Variants in SERGEF observed in about 807,000 individuals in gnomAD.
The protein encoded by SERGEF is secretion-regulating guanine nucleotide exchange factor.
Under a neutral mutation model 50.0 loss-of-function variants are expected in SERGEF, and 51 were observed. That is an observed-to-expected ratio of 1.02 (90% CI 0.81 to 1.29). The LOEUF (loss-of-function observed/expected upper bound fraction) is 1.29, where lower values mean the gene tolerates loss of function less well. Ranked by LOEUF, SERGEF falls within the 50% of genes most tolerant of loss-of-function variation. The pLI is 0.00. For synonymous variants in SERGEF, 205 were observed against 212.4 expected (o/e 0.97, Z 0.30); for missense variants, 521 against 557.0 (o/e 0.94, Z 0.65).
chr11:17,927,238 C>T (rs1366068705), intron 9 of SERGEF, among the ~76,000 whole-genome samples: 1 of 152,202 alleles, frequency 6.6e-6, no homozygotes, highest in Non-Finnish European at 1.5e-5. Context: ...GCACCACCCA[C>T]TTCCCCTTGT....
intron 1 of SERGEF, among the ~76,000 whole-genome samples, chr11:18,008,277 T>C (rs1320842445): frequency 6.6e-6 from 1 of 152,194 alleles, no homozygotes; most frequent in African/African-American, 2.4e-5. Context: ...AAATATATAA[T>C]AACAAGCACC....
At position 17,959,645 on chromosome 11, in the gene SERGEF, AAAT is replaced by A; in HGVS notation, c.845-12_845-10del. On this transcript the variant is annotated splice_polypyrimidine_tract_variant and intron_variant, in intron 8 of 10. Coordinates refer to ENST00000265965, the MANE Select transcript of SERGEF (RefSeq NM_012139.4). ...AAACATCTTGCCAGTTTCTAAAAAC[AAAT>A]ATTATTTGAATTAAGACTACATTCC... 1 of 1,607,276 alleles carries A rather than the reference AAAT, an allele frequency of 6.2e-7. No homozygotes were observed. Among genetic ancestry groups the A allele is most frequent in the African/African-American group, 1.3e-5 (1 of 74,644 alleles).
At chr11:17,895,155 G>C (rs1851596926) in intron 9 of SERGEF, among the ~76,000 whole-genome samples, 1 of 152,140 alleles carries the variant, frequency 6.6e-6, no homozygotes. Flanking sequence ...ACGTGAACAT[G>C]GCCCCTAATC....
intron 5 of SERGEF, among the ~76,000 whole-genome samples, 166 bp from the exon 6 acceptor site, chr11:17,996,075 T>C (rs1198506460): frequency 6.6e-6 from 1 of 152,142 alleles, no homozygotes; most frequent in Non-Finnish European, 1.5e-5. Context: ...GGCCCAGGGA[T>C]TACCACCAAG....
intron 7 of SERGEF, among the ~76,000 whole-genome samples, chr11:17,990,443 T>G (rs950754200): frequency 6.6e-6 from 1 of 152,230 alleles, no homozygotes; most frequent in African/African-American, 2.4e-5. Flanking sequence ...GTGCAAAGTA[T>G]GAAGATCTCT....
At chr11:17,924,646 G>C (rs935106766) in intron 9 of SERGEF, among the ~76,000 whole-genome samples, 10 of 151,424 alleles carry the variant, frequency 6.6e-5, no homozygotes, top group Non-Finnish European at 1.5e-4. Context: ...TAGAACAGTG[G>C]GGGTGCGGGG....
intron 10 of SERGEF, among the ~76,000 whole-genome samples, chr11:17,819,825 C>T (rs375792180): frequency 6.6e-6 from 1 of 152,098 alleles, no homozygotes; most frequent in Non-Finnish European, 1.5e-5. Context: ...TAAAGCATGG[C>T]CCACTTTTGC....
At chr11:17,924,449 T>C (rs1352885145) in intron 9 of SERGEF, among the ~76,000 whole-genome samples, 1 of 152,084 alleles carries the variant, frequency 6.6e-6, no homozygotes, top group Non-Finnish European at 1.5e-5. Flanking sequence ...AAAGGAATGG[T>C]GGTGACACAC....
intron 9 of SERGEF, among the ~76,000 whole-genome samples, chr11:17,911,630 G>C (rs1308669767): frequency 6.6e-6 from 1 of 151,778 alleles, no homozygotes; most frequent in Non-Finnish European, 1.5e-5. Flanking sequence ...TGGGACTACA[G>C]GTGCGCACCA....
intron 5 of SERGEF, among the ~76,000 whole-genome samples, chr11:17,997,578 C>T (rs1047784375): frequency 6.6e-6 from 1 of 152,152 alleles, no homozygotes; most frequent in Non-Finnish European, 1.5e-5. Context: ...TTTGTACACC[C>T]ATGTTCATAG....
At chr11:17,910,552 C>T (rs1299460386) in intron 9 of SERGEF, among the ~76,000 whole-genome samples, 1 of 152,138 alleles carries the variant, frequency 6.6e-6, no homozygotes, top group Non-Finnish European at 1.5e-5. Context: ...TCATGTCTGG[C>T]CTGTTGTGGG....
At chr11:17,832,758 A>G (rs957981764) in intron 10 of SERGEF, among the ~76,000 whole-genome samples, 5 of 152,188 alleles carry the variant, frequency 3.3e-5, no homozygotes, top group African/African-American at 1.2e-4. Flanking sequence ...CTGGAGCAAA[A>G]GTGACTCTTG....
chr11:17,953,550 G>A (rs750926180), intron 9 of SERGEF, among the ~76,000 whole-genome samples: 1 of 152,158 alleles, frequency 6.6e-6, no homozygotes, highest in Non-Finnish European at 1.5e-5. Flanking sequence ...TTCCCAAACT[G>A]GCCTGGGATT....
At chr11:17,950,128 A>G (rs1352181340) in intron 9 of SERGEF, among the ~76,000 whole-genome samples, 1 of 152,238 alleles carries the variant, frequency 6.6e-6, no homozygotes, top group Non-Finnish European at 1.5e-5. Flanking sequence ...GACTTCATTC[A>G]GGATAGGAAG....
In SERGEF at chr11:17,893,627, A is replaced by T. The variant is rs1590181525; in HGVS notation, c.1012-15383T>A. On this transcript the variant is annotated intron_variant, in intron 9 of 10. Transcript: ENST00000265965. ...GCTATTTCATAGTTCAGCTGGTTCCACAGTGGCTCAGCTCTATACAAGCCA... is the reference window on the plus strand; with the variant it reads ...GCTATTTCATAGTTCAGCTGGTTCCTCAGTGGCTCAGCTCTATACAAGCCA... Among the ~76,000 whole-genome samples, 3 of 152,316 alleles carry T rather than the reference A, an allele frequency of 2.0e-5. No homozygotes were observed. The South Asian group carries it at 6.2e-4, about 32-fold the overall frequency.
intron 9 of SERGEF, among the ~76,000 whole-genome samples, chr11:17,911,390 C>T (rs1851950724): frequency 6.9e-6 from 1 of 145,354 alleles, no homozygotes; most frequent in Non-Finnish European, 1.5e-5. Flanking sequence ...AATATATATA[C>T]ACACATATAT....
intron 10 of SERGEF, among the ~76,000 whole-genome samples, chr11:17,811,016 G>A (rs1010575225): frequency 4.6e-5 from 7 of 152,176 alleles, no homozygotes; most frequent in East Asian, 1.9e-4. Context: ...CTGGCAGAAG[G>A]GGTCATGCTG....
intron 8 of SERGEF, among the ~76,000 whole-genome samples, chr11:17,972,995 A>G (rs1853284693): frequency 6.7e-6 from 1 of 149,652 alleles, no homozygotes; most frequent in African/African-American, 2.4e-5. Flanking sequence ...ATCTCTGTGA[A>G]GTTACAAAAA....
intron 9 of SERGEF, among the ~76,000 whole-genome samples, chr11:17,935,540 T>G (rs1852434869): frequency 6.6e-6 from 1 of 152,046 alleles, no homozygotes. Flanking sequence ...GGACAGAACC[T>G]TAGAGAACCA....
Sources: allele counts gnomAD v4.1 joint callset (sites outside exome capture counted in the v4.1 genomes callset), GRCh38; gene constraint gnomAD v4.1.1; transcripts MANE v1.5; gene names NCBI Gene and HGNC (gene_info 2026-07-23, HGNC 2026-07-21).